DOK6: variants seen among roughly 807,000 people sequenced by gnomAD.
The protein encoded by DOK6 is downstream of tyrosine kinase 6.
In DOK6, 22 loss-of-function variants were observed where a neutral mutation model predicts 44.0. The ratio of observed to expected loss-of-function variants is 0.50; its 90% CI spans 0.36 to 0.71. The LOEUF (loss-of-function observed/expected upper bound fraction) is 0.71. Ranked by LOEUF, DOK6 falls within the 30% of genes least tolerant of loss-of-function variation. The probability of loss-of-function intolerance (pLI) is 0.00; values close to 1 mark genes in which losing one functional copy is unlikely to be tolerated. For missense variants in DOK6, 340 were observed against 416.4 expected (o/e 0.82, Z 1.60); for synonymous variants, 166 against 145.5 (o/e 1.14, Z -1.01).
At chr18:69,783,279 T>C (rs909644482) in intron 7 of DOK6, among the ~76,000 whole-genome samples, 1 of 152,194 alleles carries the variant, frequency 6.6e-6, no homozygotes, top group Admixed American at 6.5e-5. Context: ...ACTTGAGATA[T>C]GATTAGTCCG....
intron 2 of DOK6, among the ~76,000 whole-genome samples, chr18:69,574,264 C>T (rs959208371): frequency 6.6e-6 from 1 of 151,924 alleles, no homozygotes; most frequent in Non-Finnish European, 1.5e-5. Flanking sequence ...CAGGAGGAGA[C>T]TTGACTAAGT....
In DOK6 at chr18:69,724,036, C is replaced by T. The variant is rs192215109; in HGVS notation, c.600-14929C>T. Among the ~76,000 whole-genome samples, 15 of 152,294 alleles carry T rather than the reference C, an allele frequency of 9.8e-5. No individual in the cohort carries two copies. In the East Asian group the frequency reaches 2.7e-3, roughly 27 times the overall value. On this transcript the variant is annotated intron_variant, in intron 5 of 7. Coordinates refer to ENST00000382713, the MANE Select transcript of DOK6 (RefSeq NM_152721.6). ...GCATAATATTAATTGAAAAGAAACA[C>T]AGGAGATTTGCTTTTTAATTCTCTC... is the stretch of plus-strand genomic sequence containing the variant.
chr18:69,585,900 C>A (rs1305766932), intron 2 of DOK6, among the ~76,000 whole-genome samples: 1 of 152,238 alleles, frequency 6.6e-6, no homozygotes, highest in Non-Finnish European at 1.5e-5. Context: ...TGTCAGCAAT[C>A]TGTCCCTAAT....
chr18:69,557,420 T>C (rs1982715011), intron 1 of DOK6, among the ~76,000 whole-genome samples: 1 of 152,146 alleles, frequency 6.6e-6, no homozygotes, highest in African/African-American at 2.4e-5. Context: ...TGCCACCTAC[T>C]TCACAGTGAG....
At chr18:69,732,764 T>C (rs1978454648) in intron 5 of DOK6, among the ~76,000 whole-genome samples, 1 of 152,216 alleles carries the variant, frequency 6.6e-6, no homozygotes, top group Non-Finnish European at 1.5e-5. Context: ...CACTCTTTCA[T>C]TTAAAAGCTG....
At chr18:69,548,383 G>A (rs1982468793) in intron 1 of DOK6, among the ~76,000 whole-genome samples, 1 of 151,322 alleles carries the variant, frequency 6.6e-6, no homozygotes, top group African/African-American at 2.4e-5. Context: ...ATATTTTTAG[G>A]TATTTCTAAT....
intron 3 of DOK6, chr18:69,661,613 G>A (rs1367756419): frequency 2.0e-5 from 3 of 152,252 alleles, no homozygotes; most frequent in East Asian, 3.9e-4. Context: ...TGTAATTGTC[G>A]GGATAGCAGC....
intron 3 of DOK6, among the ~76,000 whole-genome samples, chr18:69,636,785 C>T (rs1984820038): frequency 6.6e-6 from 1 of 152,180 alleles, no homozygotes; most frequent in African/African-American, 2.4e-5. Flanking sequence ...TGATTATAAG[C>T]CACATTTTCG....
chr18:69,693,759 A>T (rs976909162), intron 4 of DOK6, among the ~76,000 whole-genome samples: 8 of 152,044 alleles, frequency 5.3e-5, no homozygotes, highest in Non-Finnish European at 8.8e-5. Flanking sequence ...TTGTTCCTGC[A>T]TAAAATAGAT....
chr18:69,553,353 G>C (rs1023212878), intron 1 of DOK6, among the ~76,000 whole-genome samples: 16 of 152,154 alleles, frequency 1.1e-4, no homozygotes, highest in African/African-American at 3.9e-4. Flanking sequence ...ATAAATCATG[G>C]CCTTCTGTCC....
chr18:69,469,732 G>A, intron 1 of DOK6: 2 of 277,226 alleles, frequency 7.2e-6, no homozygotes, highest in South Asian at 3.2e-5. Flanking sequence ...ACATGAGAGG[G>A]CAGGACACGA....
chr18:69,686,120 C>T (rs1187420812), intron 4 of DOK6, among the ~76,000 whole-genome samples: 4 of 151,852 alleles, frequency 2.6e-5, no homozygotes, highest in Admixed American at 2.6e-4. Flanking sequence ...GAGGGAAAAC[C>T]ATATAAAGAT....
chr18:69,707,879 G>A (rs1568339853), intron 5 of DOK6, among the ~76,000 whole-genome samples: 1 of 152,164 alleles, frequency 6.6e-6, no homozygotes, highest in Admixed American at 6.5e-5. Context: ...GCTTCCTGAA[G>A]AAGATGATTT....
At chr18:69,711,752 T>G (rs1462947570) in intron 5 of DOK6, among the ~76,000 whole-genome samples, 2 of 152,178 alleles carry the variant, frequency 1.3e-5, no homozygotes, top group Non-Finnish European at 2.9e-5. Context: ...TTATCCTACT[T>G]TGTAGGGCTG....
intron 3 of DOK6, among the ~76,000 whole-genome samples, chr18:69,656,267 T>A (rs1347246017): frequency 6.6e-6 from 1 of 152,168 alleles, no homozygotes; most frequent in Non-Finnish European, 1.5e-5. Context: ...AAAGATATTT[T>A]CAGAAACATA....
At chr18:69,415,277 C>A (rs573780931) in intron 1 of DOK6, among the ~76,000 whole-genome samples, 1 of 152,074 alleles carries the variant, frequency 6.6e-6, no homozygotes, top group Non-Finnish European at 1.5e-5. Context: ...GAGTTAACTT[C>A]CTTCCTGTAT....
At chr18:69,671,051 G>A (rs1454741142) in intron 3 of DOK6, among the ~76,000 whole-genome samples, 5 of 151,962 alleles carry the variant, frequency 3.3e-5, no homozygotes, top group Admixed American at 3.3e-4. Context: ...ATTTACTGGT[G>A]TCCATTTCTG....
intron 5 of DOK6, among the ~76,000 whole-genome samples, chr18:69,735,807 G>T (rs189669236): frequency 2.6e-5 from 4 of 152,230 alleles, no homozygotes; most frequent in Admixed American, 6.5e-5. Flanking sequence ...TATTCCAAAG[G>T]CCCCAGAAAT....
chr18:69,524,030 AT>A (rs1226308673), intron 1 of DOK6, among the ~76,000 whole-genome samples: 4 of 152,066 alleles, frequency 2.6e-5, no homozygotes, highest in Admixed American at 2.6e-4. Flanking sequence ...GTGAAGAGTT[AT>A]GTCTAAAACT....
Sources: allele counts gnomAD v4.1 joint callset (sites outside exome capture counted in the v4.1 genomes callset), GRCh38; gene constraint gnomAD v4.1.1; transcripts MANE v1.5; gene names NCBI Gene and HGNC (gene_info 2026-07-23, HGNC 2026-07-21).